Variants in ATP5IF1 observed in about 807,000 individuals in gnomAD.
ATP5IF1 encodes the protein ATPase inhibitor, mitochondrial.
Under a neutral mutation model 8.5 loss-of-function variants are expected in ATP5IF1, and 12 were observed. The ratio of observed to expected loss-of-function variants is 1.41; its 90% CI spans 0.90 to 2.28. ATP5IF1 has a LOEUF of 2.28. Among genes scored for constraint, ATP5IF1 ranks in the 30% most tolerant of loss-of-function variants. The pLI is 0.00. For missense variants in ATP5IF1, 154 were observed against 140.2 expected (o/e 1.10, Z -0.50); for synonymous variants, 51 against 53.4 (o/e 0.96, Z 0.19).
intron 2 of ATP5IF1, chr1:28,237,582 T>A: frequency 6.9e-7 from 1 of 1,446,572 alleles, no homozygotes; most frequent in South Asian, 1.5e-5. Flanking sequence ...ATTAGGGACT[T>A]GTGTCACATC....
chr1:28,237,233 G>A, intron 2 of ATP5IF1: 2 of 994,282 alleles, frequency 2.0e-6, no homozygotes, highest in African/African-American at 1.7e-5. Flanking sequence ...CTGCCATACC[G>A]TATAGAGAGC....
At chr1:28,237,570 G>A (rs1647049568) in intron 2 of ATP5IF1, 18 of 1,440,594 alleles carry the variant, frequency 1.2e-5, no homozygotes, top group Non-Finnish European at 1.6e-5. Context: ...CCCTCATAAG[G>A]TATTAGGGAC....
At chr1:28,237,707 A>G (rs1297231749) in intron 2 of ATP5IF1, 130 bp from the exon 3 acceptor site, 3 of 1,608,404 alleles carry the variant, frequency 1.9e-6, no homozygotes, top group South Asian at 1.1e-5. Flanking sequence ...TGAGGAGTAG[A>G]AGAGGATGAC....
At chr1:28,237,161 T>C (rs1224379359) in intron 2 of ATP5IF1, 2 of 991,956 alleles carry the variant, frequency 2.0e-6, no homozygotes, top group Non-Finnish European at 2.4e-6. Context: ...GAATTAATCT[T>C]GCTTTTGCTT....
Position 28,237,950 on chromosome 1 carries a change from A to C in ATP5IF1, c.293A>C (p.Lys98Thr). 4 of 1,612,924 alleles carry C rather than the reference A, an allele frequency of 2.5e-6. No individual in the cohort carries two copies. Among genetic ancestry groups the C allele is most frequent in the Non-Finnish European group, 3.4e-6 (4 of 1,180,002 alleles). The change falls in exon 3 of 3, where the codon AAG becomes ACG. Residue 98 changes from lysine to threonine, a missense_variant. Coordinates refer to ENST00000335514, the MANE Select transcript of ATP5IF1 (RefSeq NM_016311.5). ...AAAGAAATTGAGCGCCATAAGCAGA[A>C]GATCAAAATGCTAAAACATGATGAT... ...LQKEIERHKQ[K>T]IKMLKHDD
At position 28,236,861 on chromosome 1, in the gene ATP5IF1, C is replaced by G. The variant is rs1053204354; in HGVS notation, c.179+409C>G. 6.9e-6 allele frequency: 8 copies of G among 1,151,388 alleles called. No homozygotes were observed. The South Asian group carries it at 1.1e-4, about 16-fold the overall frequency. The allele number at this position is 1,151,388 out of a possible 1,614,324, so 71.3% of individuals were successfully genotyped here. A position where few individuals can be genotyped will look rare whatever the true frequency, so the allele number is the denominator to read the frequency against. ...CTCGGCCCTTACCCACCTGTCACCC[C>G]CTCTACGCTCTCCTTCCTCGCCAGC... On this transcript the variant is annotated intron_variant, in intron 2 of 2. Coordinates refer to ENST00000335514, the MANE Select transcript of ATP5IF1 (RefSeq NM_016311.5).
At chr1:28,236,848 C>A in intron 2 of ATP5IF1, 1 of 1,168,358 alleles carries the variant, frequency 8.6e-7, no homozygotes, top group Non-Finnish European at 1.1e-6. Context: ...CGGCCCTTAC[C>A]CACCTGTCAC....
At chr1:28,236,853 T>C (rs1258976088) in intron 2 of ATP5IF1, 2 of 1,161,176 alleles carry the variant, frequency 1.7e-6, no homozygotes, top group African/African-American at 3.2e-5. Context: ...CTTACCCACC[T>C]GTCACCCCCT....
At chr1:28,236,782 C>T (rs1647040897) in intron 2 of ATP5IF1, 7 of 1,258,372 alleles carry the variant, frequency 5.6e-6, no homozygotes, top group Non-Finnish European at 2.0e-6. Context: ...CCCCCAGATT[C>T]TTCGCACAGT....
rs1331846299 is a variant in ATP5IF1 at position 28,237,133 on chromosome 1, A to T, written c.179+681A>T. The T allele has an allele frequency of 4.0e-6, 4 of 992,680 alleles. No homozygotes were observed. The African/African-American group carries it at 5.2e-5, about 13-fold the overall frequency. 61.5% of individuals were successfully genotyped at this position (992,680 alleles called of 1,614,324 possible). On this transcript the variant is annotated intron_variant, in intron 2 of 2. Coordinates refer to ENST00000335514, the MANE Select transcript of ATP5IF1 (RefSeq NM_016311.5). ...AGTTATCTTTAACTGACTTCTGTCCACTCTGGAGAGCAGTGAGGAATTAAT... is the reference window on the plus strand; with the variant it reads ...AGTTATCTTTAACTGACTTCTGTCCTCTCTGGAGAGCAGTGAGGAATTAAT...
rs1166404789 is a variant in ATP5IF1, at chr1:28,237,341, G to A, written c.180-496G>A. 5 of 1,014,936 alleles carry A rather than the reference G, an allele frequency of 4.9e-6. No individual in the cohort carries two copies. The African/African-American group carries it at 6.9e-5, about 14-fold the overall frequency. The allele number at this position is 1,014,936 out of a possible 1,614,324, so 62.9% of individuals were successfully genotyped here. On this transcript the variant is annotated intron_variant, in intron 2 of 2. Transcript: ENST00000335514. ...GTGACCAAACCAACATTGTAATCCA[G>A]TCCCTTCTTGGAACCTAAATTGAAC...
At chr1:28,236,904 G>A (rs559928478) in intron 2 of ATP5IF1, 11 of 1,110,850 alleles carry the variant, frequency 9.9e-6, no homozygotes, top group Non-Finnish European at 1.2e-5. Context: ...AGCTTTGCAA[G>A]CCTGCATGCA....
At chr1:28,236,494 A>G (rs765488925) in intron 2 of ATP5IF1, 42 bp downstream of exon 2, 3 of 1,613,436 alleles carry the variant, frequency 1.9e-6, no homozygotes, top group African/African-American at 1.3e-5. Context: ...GGATCTCCCA[A>G]TGGCCTTCCA....
chr1:28,236,896 C>A, intron 2 of ATP5IF1: 1 of 1,119,288 alleles, frequency 8.9e-7, no homozygotes, highest in Non-Finnish European at 1.1e-6. Context: ...CACGCCTTAG[C>A]TTTGCAAGCC....
intron 1 of ATP5IF1, 39 bp downstream of exon 1, chr1:28,236,309 C>T (rs930873898): frequency 1.7e-5 from 28 of 1,614,084 alleles, no homozygotes; most frequent in Non-Finnish European, 2.2e-5. Context: ...GCCCCGCGGG[C>T]GGATCCCATC....
rs1647054871 is a variant in ATP5IF1 at position 28,238,059 on chromosome 1, C to T, written c.*81C>T. 7.5e-7 allele frequency: 1 copy of T among 1,339,106 alleles called. No individual in the cohort carries two copies. Among genetic ancestry groups the T allele is most frequent in the Non-Finnish European group, 1.0e-6 (1 of 977,666 alleles). The allele number at this position is 1,339,106 out of a possible 1,614,324, so 83.0% of individuals were successfully genotyped here. A position where few individuals can be genotyped will look rare whatever the true frequency, so the allele number is the denominator to read the frequency against. Reference sequence around the variant, plus strand: ...TGGTTCTGGTTTAACTAATATTTGTCTGTGTGCTACTAACAGATTATAATA... The same window carrying T: ...TGGTTCTGGTTTAACTAATATTTGTTTGTGTGCTACTAACAGATTATAATA... On this transcript the variant is annotated 3_prime_UTR_variant, in exon 3 of 3. Transcript: ENST00000335514.
At chr1:28,237,468 A>G (rs956280832) in intron 2 of ATP5IF1, 52 of 1,280,312 alleles carry the variant, frequency 4.1e-5, no homozygotes, top group Middle Eastern at 3.0e-4. Context: ...TAGGAAATGG[A>G]TATTTGCCTT....
Position 28,237,863 on chromosome 1 carries a change from CT to C in ATP5IF1, c.209del (p.Leu70Ter). On this transcript the variant is annotated frameshift_variant, in exon 3 of 3. Coordinates refer to ENST00000335514, the MANE Select transcript of ATP5IF1 (RefSeq NM_016311.5). LOFTEE classifies it high-confidence loss of function. ...FRAQSREQLA[A>X]LKKHHEEEIV... ...GCACAGAGTAGAGAACAACTGGCAG[CT>C]TTGAAAAAACACCATGAAGAAGAAA... is the stretch of plus-strand genomic sequence containing the variant. 1 of 1,614,088 alleles carries C rather than the reference CT, an allele frequency of 6.2e-7. No homozygotes were observed. The highest frequency in any genetic ancestry group is 1.1e-5 in the South Asian group (1 of 91,064).
chr1:28,238,076 AT>A lies in ATP5IF1; in HGVS notation c.*100del. Reference sequence around the variant, plus strand: ...ATATTTGTCTGTGTGCTACTAACAGATTATAATAAATTGTCATCAGTGAACT... The same window carrying A: ...ATATTTGTCTGTGTGCTACTAACAGATATAATAAATTGTCATCAGTGAACT... On this transcript the variant is annotated 3_prime_UTR_variant, in exon 3 of 3. Transcript: ENST00000335514. The A allele has an allele frequency of 8.2e-7, 1 of 1,218,840 alleles. No individual in the cohort carries two copies. The highest frequency in any genetic ancestry group is 1.1e-6 in the Non-Finnish European group (1 of 881,196). 75.5% of individuals were successfully genotyped at this position (1,218,840 alleles called of 1,614,324 possible).
Sources: gnomAD v4.1 joint callset for allele counts on GRCh38, gnomAD v4.1.1 for gene constraint, MANE v1.5 for transcripts, NCBI Gene and HGNC (gene_info 2026-07-23, HGNC 2026-07-21) for gene names.